The following LRRC20 variants were observed in gnomAD, a reference collection of about 807,000 sequenced individuals.
The protein encoded by LRRC20 is leucine-rich repeat-containing protein 20.
LRRC20 carries 11 observed loss-of-function variants against 14.4 expected under a neutral mutation model. That is an observed-to-expected ratio of 0.77 (90% CI 0.48 to 1.27). The LOEUF (loss-of-function observed/expected upper bound fraction) is 1.27, where lower values mean the gene tolerates loss of function less well. LRRC20 is among the 50% of genes most tolerant of loss of function. The pLI, the probability that LRRC20 is intolerant of heterozygous loss-of-function variation, is 0.00. For synonymous variants in LRRC20, 121 were observed against 107.3 expected (o/e 1.13, Z -0.79); for missense variants, 219 against 251.2 (o/e 0.87, Z 0.87).
At chr10:70,301,619 T>C in intron 4 of LRRC20, 111 bp from the exon 5 acceptor site, 1 of 1,327,372 alleles carries the variant, frequency 7.5e-7, no homozygotes, top group East Asian at 2.4e-5. Context: ...CAGCTCTCCA[T>C]TGCCCACTGC....
Position 70,314,387 on chromosome 10 carries a change from T to C in LRRC20, c.400+9476A>G, listed in dbSNP as rs117133875. Among the ~76,000 whole-genome samples the C allele has an allele frequency of 8.2e-3, 1,247 of 152,352 alleles. 9 individuals are homozygous for C. Among genetic ancestry groups the C allele is most frequent in the Admixed American group, 0.019 (285 of 15,304 alleles). ...CTGACAAACTATCCTTGAAAAATTC[T>C]AACCTCTAAATTCTCAAGAAGGTTG... On this transcript the variant is annotated intron_variant, in intron 4 of 4. Coordinates refer to ENST00000446961, the MANE Select transcript of LRRC20 (RefSeq NM_001278212.2).
intron 3 of LRRC20, among the ~76,000 whole-genome samples, chr10:70,327,240 G>A (rs1440083933): frequency 6.6e-6 from 1 of 152,184 alleles, no homozygotes; most frequent in Non-Finnish European, 1.5e-5. Flanking sequence ...TGTTCTGTGA[G>A]GTTTTCTGGA....
At chr10:70,324,191 T>C (rs555048097) in intron 3 of LRRC20, among the ~76,000 whole-genome samples, 161 bp from the exon 4 acceptor site, 3 of 152,212 alleles carry the variant, frequency 2.0e-5, no homozygotes, top group Non-Finnish European at 2.9e-5. Context: ...CCATGTTTAT[T>C]TGTGCTAGAG....
Position 70,378,145 on chromosome 10 carries a change from C to G in LRRC20, c.-63-1549G>C, listed in dbSNP as rs1844576426. 2.0e-5 allele frequency among the ~76,000 whole-genome samples: 3 copies of G among 152,184 alleles called. 1 individual carries two copies. The South Asian group carries it at 6.2e-4, about 31-fold the overall frequency. On this transcript the variant is annotated intron_variant, in intron 1 of 4. Transcript: ENST00000446961. ...TAAAGCAGTGCATATGTGGATGTAA[C>G]AGCAGCATATAACCCCAGTTTAATA...
At chr10:70,368,961 T>C (rs1182351656) in intron 2 of LRRC20, among the ~76,000 whole-genome samples, 1 of 152,196 alleles carries the variant, frequency 6.6e-6, no homozygotes, top group Non-Finnish European at 1.5e-5. Flanking sequence ...ACAATCCTGA[T>C]GTTGGTTACC....
intron 2 of LRRC20, among the ~76,000 whole-genome samples, chr10:70,358,263 G>A (rs941745158): frequency 2.6e-5 from 4 of 152,078 alleles, no homozygotes; most frequent in African/African-American, 9.7e-5. Context: ...GGTTATCTTC[G>A]GGTGTGATGA....
chr10:70,378,773 C>CAAAAA (rs58126984), intron 1 of LRRC20, among the ~76,000 whole-genome samples: 5 of 67,456 alleles, frequency 7.4e-5, no homozygotes, highest in Admixed American at 1.9e-4. Flanking sequence ...ACCTCGCGCT[C>CAAAAA]AAAAAAAAAA....
chr10:70,370,466 A>G (rs762843492), intron 2 of LRRC20, among the ~76,000 whole-genome samples: 10 of 152,320 alleles, frequency 6.6e-5, no homozygotes, highest in Non-Finnish European at 1.5e-4. Context: ...TGTTACAGAA[A>G]AAGCAGGCCA....
Position 70,301,506 on chromosome 10 carries a change from C to T in LRRC20, c.403G>A (p.Val135Met), listed in dbSNP as rs1264841745. 9 of 1,613,682 alleles carry T rather than the reference C, an allele frequency of 5.6e-6. No individual in the cohort carries two copies. The East Asian group carries it at 1.8e-4, about 32-fold the overall frequency. Reference protein sequence around the residue: ...INLEENEIVDVPVEKLAAMPA... With the variant: ...INLEENEIVDMPVEKLAAMPA... ...ATGGCGGCCAGCTTCTCCACGGGCA[C>T]ATCTATTGGGGACAGAATGGACAGG... The change falls in exon 5 of 5, where the codon GTG becomes ATG. Residue 135 changes from valine to methionine, a missense_variant and splice_region_variant. Coordinates refer to ENST00000446961, the MANE Select transcript of LRRC20 (RefSeq NM_001278212.2).
At chr10:70,357,770 A>AAT (rs1176889064) in intron 2 of LRRC20, among the ~76,000 whole-genome samples, 84 of 152,380 alleles carry the variant, frequency 5.5e-4, no homozygotes, top group African/African-American at 1.9e-3. Flanking sequence ...CAACAATTTG[A>AAT]GACATTAAAT....
chr10:70,379,695 G>C (rs571218089), intron 1 of LRRC20, among the ~76,000 whole-genome samples: 4 of 152,302 alleles, frequency 2.6e-5, no homozygotes, highest in East Asian at 1.9e-4. Flanking sequence ...CCCAGGGTAG[G>C]GGGTAGGCCT....
intron 2 of LRRC20, among the ~76,000 whole-genome samples, chr10:70,350,070 C>T (rs1451173582): frequency 2.0e-5 from 3 of 152,256 alleles, no homozygotes; most frequent in Admixed American, 6.5e-5. Flanking sequence ...CTCAGAGCCT[C>T]GCCCATGCTG....
chr10:70,337,385 C>T (rs906615104), intron 3 of LRRC20, among the ~76,000 whole-genome samples: 1 of 152,220 alleles, frequency 6.6e-6, no homozygotes, highest in Non-Finnish European at 1.5e-5. Context: ...CCGCATCCCT[C>T]AATCCGCTGC....
chr10:70,355,549 C>T (rs10740339), intron 2 of LRRC20, among the ~76,000 whole-genome samples: 91,996 of 151,972 alleles, frequency 0.61, 28,294 homozygotes, highest in Non-Finnish European at 0.65. Context: ...TTCGGGAAGG[C>T]GCGTCTTCTG....
chr10:70,318,134 T>C (rs766971710), intron 4 of LRRC20, among the ~76,000 whole-genome samples: 3 of 152,196 alleles, frequency 2.0e-5, no homozygotes, highest in Non-Finnish European at 2.9e-5. Context: ...GGAATGCCCA[T>C]GCTGCCAGCC....
At chr10:70,357,676 C>T (rs1056424923) in intron 2 of LRRC20, among the ~76,000 whole-genome samples, 1 of 152,142 alleles carries the variant, frequency 6.6e-6, no homozygotes. Context: ...TCCTTCCTGG[C>T]AAGCCAGTAA....
intron 2 of LRRC20, among the ~76,000 whole-genome samples, chr10:70,370,041 T>C (rs1041958233): frequency 6.6e-6 from 1 of 152,062 alleles, no homozygotes; most frequent in African/African-American, 2.4e-5. Flanking sequence ...TACTACTTGA[T>C]AATAAAAAAT....
At chr10:70,347,392 G>T (rs562074905) in intron 2 of LRRC20, among the ~76,000 whole-genome samples, 1 of 152,028 alleles carries the variant, frequency 6.6e-6, no homozygotes, top group Non-Finnish European at 1.5e-5. Flanking sequence ...ATTTCCAAGG[G>T]TACTCAAAGC....
chr10:70,339,261 G>A (rs71480651), intron 3 of LRRC20, among the ~76,000 whole-genome samples: 5 of 152,114 alleles, frequency 3.3e-5, no homozygotes, highest in Admixed American at 6.5e-5. Flanking sequence ...AAAGTCTCAA[G>A]GGCACTGCTA....
Sources: gnomAD v4.1 joint callset for allele counts (sites outside exome capture counted in the v4.1 genomes callset) on GRCh38, gnomAD v4.1.1 for gene constraint, MANE v1.5 for transcripts, NCBI Gene and HGNC (gene_info 2026-07-23, HGNC 2026-07-21) for gene names.